GALP: variants seen among roughly 807,000 people sequenced by gnomAD.
GALP encodes the protein galanin like peptide.
GALP carries 12 observed loss-of-function variants against 15.2 expected under a neutral mutation model. The observed-to-expected ratio is 0.79, with a 90% CI of 0.51 to 1.28. The LOEUF (loss-of-function observed/expected upper bound fraction) is 1.28, where lower values mean the gene tolerates loss of function less well. Ranked by LOEUF, GALP falls within the 50% of genes most tolerant of loss-of-function variation. GALP has a pLI of 0.00. For missense variants in GALP, 161 were observed against 145.6 expected (o/e 1.11, Z -0.55); for synonymous variants, 58 against 55.1 (o/e 1.05, Z -0.23).
Position 56,184,474 on chromosome 19 carries a change from TTTTCTTTTTC to T in GALP, c.296-737_296-728del, listed in dbSNP as rs994121608. Among the ~76,000 whole-genome samples, 5 of 110,116 alleles carry T rather than the reference TTTTCTTTTTC, an allele frequency of 4.5e-5. No individual in the cohort carries two copies. The South Asian group carries it at 1.1e-3, about 23-fold the overall frequency. 72.2% of individuals were successfully genotyped at this position (110,116 alleles called of 152,430 possible). A position where few individuals can be genotyped will look rare whatever the true frequency, so the allele number is the denominator to read the frequency against. ...TCTCCTTCTTCAATCCTTTTTTTTC[TTTTCTTTTTC>T]TTTTTTTTTTTTTTTTTGAGACGGA... On this transcript the variant is annotated intron_variant, in intron 5 of 5. Coordinates refer to ENST00000357330, the MANE Select transcript of GALP (RefSeq NM_033106.4).
intron 3 of GALP, 27 bp downstream of exon 3, chr19:56,180,661 A>G: frequency 1.9e-6 from 3 of 1,606,598 alleles, no homozygotes; most frequent in Non-Finnish European, 1.7e-6. Context: ...TCAGCTCTCC[A>G]TCCCTGGCCC....
chr19:56,185,147 A>G (rs1055790540), intron 5 of GALP, 68 bp from the exon 6 acceptor site: 1 of 1,056,192 alleles, frequency 9.5e-7, no homozygotes, highest in African/African-American at 1.6e-5. Context: ...CTAAACATAC[A>G]AAAATTAGCT....
Position 56,183,154 on chromosome 19 carries a change from C to T in GALP, c.237C>T (p.His79=), listed in dbSNP as rs1386057010. The change falls in exon 5 of 6, where the codon CAC becomes CAT. Residue 79 remains histidine, a synonymous_variant. Coordinates refer to ENST00000357330, the MANE Select transcript of GALP (RefSeq NM_033106.4). ...WKAIDGLPYS[H]PPQPSKRNVM... ...TTCTAGACGGGCTCCCCTACTCCCA[C>T]CCTCCACAGCCCTCCAAGAGGAATG... 1.2e-6 allele frequency: 2 copies of T among 1,613,398 alleles called. No individual in the cohort carries two copies. Among genetic ancestry groups the T allele is most frequent in the Non-Finnish European group, 1.7e-6 (2 of 1,179,494 alleles).
At chr19:56,182,659 G>A (rs1208208788) in intron 4 of GALP, among the ~76,000 whole-genome samples, 1 of 152,074 alleles carries the variant, frequency 6.6e-6, no homozygotes, top group African/African-American at 2.4e-5. Flanking sequence ...GGTGGCTCAC[G>A]CCTGTCATCC....
At chr19:56,182,994 C>A (rs186406876) in intron 4 of GALP, 141 bp from the exon 5 acceptor site, 17 of 645,734 alleles carry the variant, frequency 2.6e-5, no homozygotes, top group Non-Finnish European at 3.4e-5. Context: ...ATTCTCTCTG[C>A]TCCTCTCCCT....
chr19:56,183,404 C>G (rs1299363651), intron 5 of GALP, among the ~76,000 whole-genome samples, 192 bp downstream of exon 5: 1 of 152,050 alleles, frequency 6.6e-6, no homozygotes, highest in African/African-American at 2.4e-5. Context: ...CTCGACTGCT[C>G]CCTTCACCTC....
In GALP at chr19:56,180,880, G is replaced by T. The variant is rs113425717; in HGVS notation, c.136+246G>T. ...TGCAACCTTGATCTCTCTCTCTCTC[G>T]CTCTCTCACTCTTTCTTTCTTTCTT... On this transcript the variant is annotated intron_variant, in intron 3 of 5. Transcript: ENST00000357330. 4.9e-5 allele frequency among the ~76,000 whole-genome samples: 7 copies of T among 142,590 alleles called. No homozygotes were observed. In the South Asian group the frequency reaches 1.6e-3, roughly 32 times the overall value. The allele number at this position is 142,590 out of a possible 152,430, so 93.5% of individuals were successfully genotyped here. A position where few individuals can be genotyped will look rare whatever the true frequency, so the allele number is the denominator to read the frequency against.
intron 2 of GALP, among the ~76,000 whole-genome samples, chr19:56,179,979 G>T (rs199741595): frequency 7.2e-5 from 11 of 152,144 alleles, no homozygotes; most frequent in African/African-American, 2.2e-4. Context: ...TAGAGACGAG[G>T]TTGGCCAGGC....
chr19:56,181,916 C>G (rs1286056533), intron 3 of GALP, among the ~76,000 whole-genome samples: 1 of 152,072 alleles, frequency 6.6e-6, no homozygotes, highest in Non-Finnish European at 1.5e-5. Flanking sequence ...GCAGAAAGAA[C>G]GTGAGATGTG....
At chr19:56,179,210 G>A (rs1033560909) in intron 2 of GALP, among the ~76,000 whole-genome samples, 1 of 150,354 alleles carries the variant, frequency 6.7e-6, no homozygotes, top group Middle Eastern at 3.2e-3. Flanking sequence ...TAAATAAAGA[G>A]TCTGGGATCC....
intron 2 of GALP, among the ~76,000 whole-genome samples, chr19:56,177,661 C>G (rs116124223): frequency 2.0e-5 from 3 of 152,134 alleles, no homozygotes; most frequent in Admixed American, 1.3e-4. Flanking sequence ...CAGTCTGGGA[C>G]GACACTTTGA....
chr19:56,181,939 G>C (rs1402315730), intron 3 of GALP, among the ~76,000 whole-genome samples: 2 of 152,156 alleles, frequency 1.3e-5, no homozygotes, highest in Non-Finnish European at 2.9e-5. Flanking sequence ...CCCAGACCTA[G>C]GTGGGTTCAA....
intron 2 of GALP, 63 bp downstream of exon 2, chr19:56,177,258 G>A (rs2032480850): frequency 2.2e-6 from 3 of 1,384,388 alleles, no homozygotes; most frequent in South Asian, 2.3e-5. Context: ...TCTGGGAAGA[G>A]TTTTTAAAAA....
chr19:56,180,181 G>T (rs1422671147), intron 2 of GALP, among the ~76,000 whole-genome samples: 1 of 152,218 alleles, frequency 6.6e-6, no homozygotes, highest in Non-Finnish European at 1.5e-5. Context: ...CCCAAATGCT[G>T]GGATTACAGC....
Position 56,182,174 on chromosome 19 carries a change from C to G in GALP, c.139C>G (p.Leu47Val). The change falls in exon 4 of 6, where the codon CTC becomes GTC. Residue 47 changes from leucine to valine, a missense_variant and splice_region_variant. Coordinates refer to ENST00000357330, the MANE Select transcript of GALP (RefSeq NM_033106.4). The stretch of plus-strand genomic sequence containing the variant: ...TTGCTCTCTCCCTCCCTACCCAGTC[C>G]TCCACCTTCCCCAAATGGGTGACCA... ...NSAGYLLGPV[L>V]HLPQMGDQDG... 1 of 1,613,086 alleles carries G rather than the reference C, an allele frequency of 6.2e-7. No individual in the cohort carries two copies. The highest frequency in any genetic ancestry group is 1.3e-5 in the African/African-American group (1 of 75,040).
intron 2 of GALP, among the ~76,000 whole-genome samples, chr19:56,178,911 A>G (rs887306770): frequency 6.6e-6 from 1 of 152,184 alleles, no homozygotes; most frequent in South Asian, 2.1e-4. Context: ...ACGGTGGCTC[A>G]CGCCTGCAAT....
At chr19:56,182,643 G>C (rs891999847) in intron 4 of GALP, among the ~76,000 whole-genome samples, 5 of 152,122 alleles carry the variant, frequency 3.3e-5, no homozygotes, top group Non-Finnish European at 7.3e-5. Flanking sequence ...TGGTTTGGCT[G>C]GGCATGGTGG....
intron 5 of GALP, among the ~76,000 whole-genome samples, chr19:56,183,643 G>A (rs1242407456): frequency 1.3e-5 from 2 of 152,104 alleles, no homozygotes; most frequent in African/African-American, 2.4e-5. Context: ...TGTCGCCCAG[G>A]TTGGAGTGCA....
chr19:56,184,970 A>AT (rs1280906271), intron 5 of GALP, among the ~76,000 whole-genome samples: 1 of 152,044 alleles, frequency 6.6e-6, no homozygotes, highest in East Asian at 1.9e-4. Flanking sequence ...CCTTCTTAAA[A>AT]TGTGGGCGGA....
Sources: gnomAD v4.1 joint callset for allele counts (sites outside exome capture counted in the v4.1 genomes callset) on GRCh38, gnomAD v4.1.1 for gene constraint, MANE v1.5 for transcripts, NCBI Gene and HGNC (gene_info 2026-07-23, HGNC 2026-07-21) for gene names.